The following ATR variants were observed in gnomAD, a reference collection of about 807,000 sequenced individuals.
The protein encoded by ATR is serine/threonine-protein kinase ATR.
A neutral mutation model predicts 305.3 loss-of-function variants in ATR; 142 were observed. The observed-to-expected ratio is 0.47, with a 90% CI of 0.41 to 0.53. The LOEUF (loss-of-function observed/expected upper bound fraction) is 0.53. ATR is among the 20% of genes least tolerant of loss of function. The pLI is 0.00. For synonymous variants in ATR, 1,050 were observed against 1,068.1 expected (o/e 0.98, Z 0.33); for missense variants, 2,135 against 3,133.1 (o/e 0.68, Z 7.60).
chr3:142,513,401 G>T, intron 26 of ATR, 100 bp downstream of exon 26: 1 of 1,380,640 alleles, frequency 7.2e-7, no homozygotes, highest in Non-Finnish European at 1.0e-6. Flanking sequence ...GCCATACATA[G>T]GTCTACATTT....
At chr3:142,517,015 C>G (rs115177187) in intron 24 of ATR, among the ~76,000 whole-genome samples, 2,915 of 134,794 alleles carry the variant, frequency 0.022, 43 homozygotes, top group Non-Finnish European at 0.031. Flanking sequence ...ATACATATTT[C>G]ACTGTATTCC....
intron 19 of ATR, among the ~76,000 whole-genome samples, chr3:142,536,988 A>G (rs2033883794): frequency 6.6e-6 from 1 of 152,176 alleles, no homozygotes; most frequent in African/African-American, 2.4e-5. Context: ...AAATATAAGC[A>G]TTTCTAAATC....
intron 38 of ATR, 40 bp downstream of exon 38, chr3:142,469,297 A>C: frequency 6.6e-7 from 1 of 1,508,232 alleles, no homozygotes; most frequent in Non-Finnish European, 9.2e-7. Flanking sequence ...ATAAAATGGT[A>C]AAAGATCTTT....
Position 142,556,245 on chromosome 3 carries a change from G to GA in ATR, c.2079-107dup, listed in dbSNP as rs1577690652. ...GTACTGGTAAAACAAAGCCTAGAAG[G>GA]AAAAAATGTTAAATTCTAAAACTAA... On this transcript the variant is annotated intron_variant, in intron 9 of 46. Coordinates refer to ENST00000350721, the MANE Select transcript of ATR (RefSeq NM_001184.4). 11 of 1,504,324 alleles carry GA rather than the reference G, an allele frequency of 7.3e-6. No homozygotes were observed. In the South Asian group the frequency reaches 7.4e-5, roughly 10 times the overall value. The allele number at this position is 1,504,324 out of a possible 1,614,324, so 93.2% of individuals were successfully genotyped here. A position where few individuals can be genotyped will look rare whatever the true frequency, so the allele number is the denominator to read the frequency against.
chr3:142,523,516 G>T lies in ATR; in HGVS notation c.4152+477C>A, dbSNP rs138705323. On this transcript the variant is annotated intron_variant, in intron 22 of 46. Transcript: ENST00000350721. ...CCTCTAAGGAATAATTTTAATATAC[G>T]CATATAGTATAACTCTTGGAGATAT... Among the ~76,000 whole-genome samples the T allele has an allele frequency of 2.0e-5, 3 of 152,112 alleles. No homozygotes were observed. In the East Asian group the frequency reaches 5.8e-4, roughly 29 times the overall value.
intron 1 of ATR, among the ~76,000 whole-genome samples, chr3:142,576,528 A>G (rs1437269681): frequency 1.3e-5 from 2 of 152,236 alleles, no homozygotes; most frequent in African/African-American, 2.4e-5. Context: ...TTGGAGAACT[A>G]AGTGAATATG....
At chr3:142,468,427 A>G (rs1237026616) in intron 38 of ATR, among the ~76,000 whole-genome samples, 1 of 152,140 alleles carries the variant, frequency 6.6e-6, no homozygotes, top group Non-Finnish European at 1.5e-5. Flanking sequence ...TATTAAAATT[A>G]TATCTTCAAA....
intron 1 of ATR, among the ~76,000 whole-genome samples, chr3:142,570,289 ATC>A (rs1441634257): frequency 6.6e-6 from 1 of 152,152 alleles, no homozygotes; most frequent in Non-Finnish European, 1.5e-5. Flanking sequence ...ATTCCAATTT[ATC>A]TGTTTATTTT....
rs1228232044 is a variant in ATR at position 142,508,187 on chromosome 3, A to C, written c.4853-78T>G. 2.8e-5 allele frequency: 34 copies of C among 1,222,238 alleles called. No individual in the cohort carries two copies. In the South Asian group the frequency reaches 3.5e-4, roughly 13 times the overall value. The allele number at this position is 1,222,238 out of a possible 1,614,324, so 75.7% of individuals were successfully genotyped here. ...AGTGTCAATTTAAGTATTTAAGTTC[A>C]ATTTATTTCACTAAACAAATTAATC... On this transcript the variant is annotated intron_variant, in intron 27 of 46. Coordinates refer to ENST00000350721, the MANE Select transcript of ATR (RefSeq NM_001184.4).
intron 36 of ATR, among the ~76,000 whole-genome samples, chr3:142,484,393 G>C (rs6775718): frequency 6.6e-6 from 1 of 151,820 alleles, no homozygotes; most frequent in Non-Finnish European, 1.5e-5. Context: ...TTCCAGAGAG[G>C]TGAACACGTG....
At chr3:142,517,825 A>C (rs1339393941) in intron 24 of ATR, among the ~76,000 whole-genome samples, 1 of 152,150 alleles carries the variant, frequency 6.6e-6, no homozygotes, top group Admixed American at 6.6e-5. Flanking sequence ...TTCTCCCCCC[A>C]AAAACAAAGA....
At chr3:142,489,911 T>C (rs563618781) in intron 35 of ATR, among the ~76,000 whole-genome samples, 3 of 152,370 alleles carry the variant, frequency 2.0e-5, no homozygotes, top group East Asian at 1.9e-4. Flanking sequence ...TTTCAGACTT[T>C]AGCCATTTTA....
chr3:142,549,335 G>A, intron 15 of ATR, 144 bp downstream of exon 15: 1 of 579,568 alleles, frequency 1.7e-6, no homozygotes, highest in Non-Finnish European at 2.8e-6. Context: ...TCAGGACAAA[G>A]ATTATTTAAC....
chr3:142,501,912 T>C (rs1470261809), intron 30 of ATR, among the ~76,000 whole-genome samples: 1 of 152,146 alleles, frequency 6.6e-6, no homozygotes, highest in Non-Finnish European at 1.5e-5. Context: ...GCCCAGCTAA[T>C]TTTTGTATTA....
At chr3:142,507,825 A>T in intron 28 of ATR, 106 bp downstream of exon 28, 1 of 1,071,776 alleles carries the variant, frequency 9.3e-7, no homozygotes, top group Admixed American at 2.3e-5. Flanking sequence ...CTAATCTATA[A>T]GCTTCTAAGC....
intron 4 of ATR, among the ~76,000 whole-genome samples, chr3:142,561,835 G>C (rs561546846): frequency 6.6e-6 from 1 of 152,230 alleles, no homozygotes; most frequent in Middle Eastern, 3.4e-3. Context: ...AGAAAAAAGC[G>C]CATAATTTGG....
At chr3:142,531,022 T>C (rs913842300) in intron 21 of ATR, among the ~76,000 whole-genome samples, 1 of 152,196 alleles carries the variant, frequency 6.6e-6, no homozygotes, top group Non-Finnish European at 1.5e-5. Context: ...CTCAACACCA[T>C]ACAAGGTTAA....
intron 19 of ATR, 84 bp from the exon 20 acceptor site, chr3:142,536,285 C>A: frequency 1.1e-6 from 1 of 938,324 alleles, no homozygotes; most frequent in Non-Finnish European, 1.7e-6. Flanking sequence ...AAACTAAGGC[C>A]AATTTAATTC....
chr3:142,482,453 A>G (rs1326931406), intron 36 of ATR, among the ~76,000 whole-genome samples: 2 of 152,248 alleles, frequency 1.3e-5, no homozygotes, highest in East Asian at 1.9e-4. Flanking sequence ...GTTTTAAAAG[A>G]AATGTGTTAA....
Sources: allele counts gnomAD v4.1 joint callset (sites outside exome capture counted in the v4.1 genomes callset), GRCh38; gene constraint gnomAD v4.1.1; transcripts MANE v1.5; gene names NCBI Gene and HGNC (gene_info 2026-07-23, HGNC 2026-07-21).